Variants in OR52A5 observed in about 807,000 individuals in gnomAD.
The protein encoded by OR52A5 is olfactory receptor 52A5.
A neutral mutation model predicts 18.2 loss-of-function variants in OR52A5; 16 were observed. The observed-to-expected ratio is 0.88, with a 90% CI of 0.60 to 1.34. The LOEUF (loss-of-function observed/expected upper bound fraction) is 1.34, where lower values mean the gene tolerates loss of function less well. Ranked by LOEUF, OR52A5 falls within the 40% of genes most tolerant of loss-of-function variation. The pLI, the probability that OR52A5 is intolerant of heterozygous loss-of-function variation, is 0.00. For missense variants in OR52A5, 418 were observed against 383.0 expected (o/e 1.09, Z -0.76); for synonymous variants, 140 against 137.2 (o/e 1.02, Z -0.14).
Position 5,131,946 on chromosome 11 carries a change from G to A in OR52A5, c.697C>T (p.Gln233Ter). 6.2e-7 allele frequency: 1 copy of A among 1,614,120 alleles called. No individual in the cohort carries two copies. The highest frequency in any genetic ancestry group is 8.5e-7 in the Non-Finnish European group (1 of 1,180,002). Reference sequence around the variant, plus strand: ...AAGGCCTTGAATCGTGCCTCCTTCTGGGGCAGCTGAAAGACAGTGATAAAA... The same window carrying A: ...AAGGCCTTGAATCGTGCCTCCTTCTAGGGCAGCTGAAAGACAGTGATAAAA... ...QIFITVFQLP[Q>*]KEARFKAFNT... The change falls in exon 2 of 2, where the codon CAG (glutamine) becomes TAG (stop). Residue 233 changes from glutamine to a stop codon, truncating the protein, a stop_gained. Coordinates refer to ENST00000307388, the MANE Select transcript of OR52A5 (RefSeq NM_001005160.3). LOFTEE classifies it high-confidence loss of function.
chr11:5,132,148 G>C lies in OR52A5; in HGVS notation c.495C>G (p.Ile165Met). Residue 165 changes from isoleucine (I) to methionine (M), a missense_variant, in exon 2 of 2, where the codon ATC (isoleucine) becomes ATG (methionine). Coordinates refer to ENST00000307388, the MANE Select transcript of OR52A5 (RefSeq NM_001005160.3). ...TTCGATAGTGTTTCAGACAGCATTT[G>C]ATGAGCCCTAAGGAAGGTATTATAA... ...AILIIPSLGL[I>M]KCCLKHYRTT... 6.2e-7 allele frequency: 1 copy of C among 1,614,154 alleles called. No homozygotes were observed. The highest frequency in any genetic ancestry group is 1.1e-5 in the South Asian group (1 of 91,070).
chr11:5,136,583 G>A (rs556733782), intron 1 of OR52A5, among the ~76,000 whole-genome samples: 11 of 152,224 alleles, frequency 7.2e-5, no homozygotes, highest in Non-Finnish European at 1.6e-4. Context: ...CATTAGAGGG[G>A]AAAATAAGCC....
chr11:5,132,853 A>T (rs1846355177), intron 1 of OR52A5, among the ~76,000 whole-genome samples, 151 bp from the exon 2 acceptor site: 1 of 152,190 alleles, frequency 6.6e-6, no homozygotes, highest in Non-Finnish European at 1.5e-5. Context: ...GACAAACATC[A>T]GGTTCTGTTT....
rs1249633274 is a variant in OR52A5, at chr11:5,128,838, T to C, written c.*2854A>G. On this transcript the variant is annotated 3_prime_UTR_variant, in exon 2 of 2. Transcript: ENST00000307388. The stretch of plus-strand genomic sequence containing the variant: ...GATGGGGGGAGCAGAAGTAATGGGA[T>C]GTGACTACTAATGTATATAGATTTT... 2.0e-5 allele frequency: 3 copies of C among 152,068 alleles called. No homozygotes were observed. Among genetic ancestry groups the C allele is most frequent in the South Asian group, 4.1e-4 (2 of 4,834 alleles). The allele number at this position is 152,068 out of a possible 1,614,324, so 9.4% of individuals were successfully genotyped here.
chr11:5,137,789 A>T (rs938146499), intron 1 of OR52A5, among the ~76,000 whole-genome samples: 3 of 152,142 alleles, frequency 2.0e-5, no homozygotes, highest in Admixed American at 2.0e-4. Context: ...CAGTTTCCTC[A>T]TTGGTAAAAT....
At position 5,130,866 on chromosome 11, in the gene OR52A5, G is replaced by T. The variant is rs1183807216; in HGVS notation, c.*826C>A. On this transcript the variant is annotated 3_prime_UTR_variant, in exon 2 of 2. Coordinates refer to ENST00000307388, the MANE Select transcript of OR52A5 (RefSeq NM_001005160.3). ...GACTAAAGTCCTTATTCAGGAGGTG[G>T]TTTCTTATATGCCAGTTCTGTGTTT... The T allele has an allele frequency of 6.6e-6, 1 of 152,024 alleles. No homozygotes were observed. The highest frequency in any genetic ancestry group is 1.5e-5 in the Non-Finnish European group (1 of 67,958). The allele number at this position is 152,024 out of a possible 1,614,324, so 9.4% of individuals were successfully genotyped here.
At position 5,133,185 on chromosome 11, in the gene OR52A5, C is replaced by T. The variant is rs376357973; in HGVS notation, c.-60-483G>A. On this transcript the variant is annotated intron_variant, in intron 1 of 1. Coordinates refer to ENST00000307388, the MANE Select transcript of OR52A5 (RefSeq NM_001005160.3). ...GAGATCGAGACCATCCTGGCTAACA[C>T]GGTGAAACCCCATCTCTACTAAAAA... Among the ~76,000 whole-genome samples the T allele has an allele frequency of 3.4e-4, 51 of 151,600 alleles. No individual in the cohort carries two copies. In the South Asian group the frequency reaches 7.9e-3, roughly 23 times the overall value.
rs1400762308 is a variant in OR52A5, at chr11:5,132,280, G to T, written c.363C>A (p.Ala121=). ...TACAGATGGCCACATAGCGATCCAG[G>T]GCCATTGCCAGAAGGATACCCGATT... ...AIESGILLAM[A]LDRYVAICIP... The change falls in exon 2 of 2, where the codon GCC becomes GCA. Residue 121 remains alanine (A), a synonymous_variant. Coordinates refer to ENST00000307388, the MANE Select transcript of OR52A5 (RefSeq NM_001005160.3). 1 of 1,613,998 alleles carries T rather than the reference G, an allele frequency of 6.2e-7. No homozygotes were observed. The highest frequency in any genetic ancestry group is 8.5e-7 in the Non-Finnish European group (1 of 1,180,016).
At chr11:5,134,751 ATGGT>A (rs1232887618) in intron 1 of OR52A5, among the ~76,000 whole-genome samples, 1 of 151,778 alleles carries the variant, frequency 6.6e-6, no homozygotes, top group Non-Finnish European at 1.5e-5. Flanking sequence ...TAATATTAAT[ATGGT>A]TGATTATATT....
chr11:5,132,590 C>A lies in OR52A5; in HGVS notation c.53G>T (p.Gly18Val), dbSNP rs188491953. Reference protein sequence around the residue: ...VFMPSAFILIGIPGLESVQCW... With the variant: ...VFMPSAFILIVIPGLESVQCW... Reference sequence around the variant, plus strand: ...CTGCACTGACTCCAGACCAGGAATCCCAATTAGTATAAACGCAGAGGGCAT... The same window carrying A: ...CTGCACTGACTCCAGACCAGGAATCACAATTAGTATAAACGCAGAGGGCAT... The change falls in exon 2 of 2, where the codon GGG (glycine) becomes GTG (valine). Residue 18 changes from glycine to valine, a missense_variant. Gly to Val is a moderately radical substitution (Grantham distance 109, BLOSUM62 -3). Transcript: ENST00000307388. The A allele has an allele frequency of 1.8e-4, 284 of 1,613,444 alleles. No homozygotes were observed. Among genetic ancestry groups the A allele is most frequent in the Middle Eastern group, 6.6e-4 (4 of 6,080 alleles).
rs1846338862 is a variant in OR52A5, at chr11:5,131,763, C to T, written c.880G>A (p.Val294Ile). 2 of 1,613,890 alleles carry T rather than the reference C, an allele frequency of 1.2e-6. No individual in the cohort carries two copies. The highest frequency in any genetic ancestry group is 1.3e-5 in the African/African-American group (1 of 74,968). Reference protein sequence around the residue: ...LLVPPFLNPIVYGVKTKQIRD... With the variant: ...LLVPPFLNPIIYGVKTKQIRD... ...ATTTGCTTGGTCTTCACTCCATAGA[C>T]AATAGGGTTGAGAAAAGGTGGGACT... Residue 294 changes from valine (V) to isoleucine (I), a missense_variant, in exon 2 of 2, where the codon GTC becomes ATC. Physicochemically the swap from Val to Ile is conservative, Grantham distance 29 (BLOSUM62 3). Coordinates refer to ENST00000307388, the MANE Select transcript of OR52A5 (RefSeq NM_001005160.3).
intron 1 of OR52A5, among the ~76,000 whole-genome samples, chr11:5,133,051 G>T (rs1006252877): frequency 3.3e-5 from 5 of 151,964 alleles, no homozygotes; most frequent in Admixed American, 3.3e-4. Context: ...TTTAAAACTA[G>T]ACTTCATCTA....
chr11:5,131,595 G>C lies in OR52A5; in HGVS notation c.*97C>G, dbSNP rs1418525499. 7.7e-6 allele frequency: 5 copies of C among 651,600 alleles called. No homozygotes were observed. The highest frequency in any genetic ancestry group is 1.3e-5 in the Non-Finnish European group (5 of 377,882). The allele number at this position is 651,600 out of a possible 1,614,324, so 40.4% of individuals were successfully genotyped here. A position where few individuals can be genotyped will look rare whatever the true frequency, so the allele number is the denominator to read the frequency against. On this transcript the variant is annotated 3_prime_UTR_variant, in exon 2 of 2. Coordinates refer to ENST00000307388, the MANE Select transcript of OR52A5 (RefSeq NM_001005160.3). ...GACATAGCTAGAATTACAGGTATGT[G>C]TTGAGCTAGTAGTTTGAGAATATTG...
chr11:5,130,504 T>C lies in OR52A5; in HGVS notation c.*1188A>G, dbSNP rs887169759. The C allele has an allele frequency of 2.6e-5, 4 of 152,088 alleles. No homozygotes were observed. Among genetic ancestry groups the C allele is most frequent in the Non-Finnish European group, 4.4e-5 (3 of 67,968 alleles). The allele number at this position is 152,088 out of a possible 1,614,324, so 9.4% of individuals were successfully genotyped here. ...TAAAATGGTTATTTCATTATTAAGT[T>C]TTGCTTATCTAATTCAACAATTTTT... On this transcript the variant is annotated 3_prime_UTR_variant, in exon 2 of 2. Coordinates refer to ENST00000307388, the MANE Select transcript of OR52A5 (RefSeq NM_001005160.3).
rs778774782 is a variant in OR52A5 at position 5,131,768 on chromosome 11, G to C, written c.875C>G (p.Pro292Arg). 6.2e-7 allele frequency: 1 copy of C among 1,614,010 alleles called. No individual in the cohort carries two copies. The highest frequency in any genetic ancestry group is 1.7e-5 in the Admixed American group (1 of 60,012). Residue 292 changes from proline to arginine, a missense_variant, in exon 2 of 2, where the codon CCT (proline) becomes CGT (arginine). Transcript: ENST00000307388. ...CTTGGTCTTCACTCCATAGACAATAGGGTTGAGAAAAGGTGGGACTAACAG... is the reference window on the plus strand; with the variant it reads ...CTTGGTCTTCACTCCATAGACAATACGGTTGAGAAAAGGTGGGACTAACAG... ...LYLLVPPFLNPIVYGVKTKQI... is the reference protein window; with the variant it reads ...LYLLVPPFLNRIVYGVKTKQI...
intron 1 of OR52A5, among the ~76,000 whole-genome samples, chr11:5,136,100 C>T (rs757636453): frequency 6.6e-6 from 1 of 152,070 alleles, no homozygotes; most frequent in Non-Finnish European, 1.5e-5. Flanking sequence ...TGAAAGGTAA[C>T]ATACAAATTC....
intron 1 of OR52A5, among the ~76,000 whole-genome samples, chr11:5,136,887 A>T (rs1448474545): frequency 6.6e-6 from 1 of 152,230 alleles, no homozygotes; most frequent in East Asian, 1.9e-4. Flanking sequence ...AAGCCAAGTA[A>T]TAAAAGTTTG....
chr11:5,132,100 G>GT lies in OR52A5; in HGVS notation c.542dup (p.Tyr181Ter), dbSNP rs772300644. The GT allele has an allele frequency of 6.2e-7, 1 of 1,614,220 alleles. No homozygotes were observed. The highest frequency in any genetic ancestry group is 2.2e-5 in the East Asian group (1 of 44,880). The change falls in exon 2 of 2, where the codon TAC becomes TAAC. Residue 181 changes from tyrosine (Y) to a stop codon, truncating the protein, a stop_gained and frameshift_variant. Coordinates refer to ENST00000307388, the MANE Select transcript of OR52A5 (RefSeq NM_001005160.3). LOFTEE classifies it high-confidence loss of function. The stretch of plus-strand genomic sequence containing the variant: ...GCTTCACGATGGCCATGTGCTCACA[G>GT]TAAGAGTGAGAGATGACTGTAGTTC... ...HYRTTVISHS[Y>*]CEHMAIVKLA...
rs1263780250 is a variant in OR52A5, at chr11:5,132,251, G to A, written c.392C>T (p.Pro131Leu). The change falls in exon 2 of 2, where the codon CCC becomes CTC. Residue 131 changes from proline to leucine, a missense_variant. By Grantham distance (98) the Pro-to-Leu change is moderately conservative. Transcript: ENST00000307388. ...ALDRYVAICI[P>L]LRHATIFSQQ... ...GGAAAAGATGGTGGCATGTCTCAAG[G>A]GGATACAGATGGCCACATAGCGATC... 3 of 1,614,056 alleles carry A rather than the reference G, an allele frequency of 1.9e-6. No homozygotes were observed. Among genetic ancestry groups the A allele is most frequent in the East Asian group, 4.5e-5 (2 of 44,864 alleles).
Sources: gnomAD v4.1 joint callset for allele counts (sites outside exome capture counted in the v4.1 genomes callset) on GRCh38, gnomAD v4.1.1 for gene constraint, MANE v1.5 for transcripts, NCBI Gene and HGNC (gene_info 2026-07-23, HGNC 2026-07-21) for gene names.